Variants in RAB7A observed in about 807,000 individuals in gnomAD.
RAB7A encodes the protein ras-related protein Rab-7a.
Under a neutral mutation model 24.5 loss-of-function variants are expected in RAB7A, and 2 were observed. The ratio of observed to expected loss-of-function variants is 0.08; its 90% CI spans 0.03 to 0.26. The LOEUF (loss-of-function observed/expected upper bound fraction) is 0.26, where lower values mean the gene tolerates loss of function less well. RAB7A is among the 10% of genes least tolerant of loss of function. The pLI is 1.00. For synonymous variants in RAB7A, 100 were observed against 95.9 expected, an observed-to-expected ratio of 1.04 and a Z score of -0.25; for missense variants, 118 against 255.7, an observed-to-expected ratio of 0.46 and a Z score of 3.67.
In RAB7A at chr3:128,813,458, A is replaced by C; in HGVS notation, c.*36A>C. 1 of 1,575,454 alleles carries C rather than the reference A, an allele frequency of 6.3e-7. No homozygotes were observed. Among genetic ancestry groups the C allele is most frequent in the Non-Finnish European group, 8.7e-7 (1 of 1,145,528 alleles). ...AGAGTTGAGCACAGAGTCCTTCACA[A>C]ACCAAGAACACACGTAGGCCTTCAA... is the stretch of plus-strand genomic sequence containing the variant. On this transcript the variant is annotated 3_prime_UTR_variant, in exon 6 of 6. Transcript: ENST00000265062.
chr3:128,784,997 G>A (rs1024692203), intron 1 of RAB7A: 1 of 149,920 alleles, frequency 6.7e-6, no homozygotes. Context: ...CCAGGCTGGA[G>A]TGCAGTGATG....
chr3:128,796,187 T>C (rs1280020708), intron 2 of RAB7A, among the ~76,000 whole-genome samples: 2 of 152,296 alleles, frequency 1.3e-5, no homozygotes, highest in South Asian at 2.1e-4. Context: ...CTAACTCTAA[T>C]GGCTCTTAAG....
In RAB7A at chr3:128,813,501, C is replaced by T; in HGVS notation, c.*79C>T. Reference sequence around the variant, plus strand: ...GCCTTCAACACAATTCCCCTCTCCTCTTCCAAACAAAACATACATTGATCT... The same window carrying T: ...GCCTTCAACACAATTCCCCTCTCCTTTTCCAAACAAAACATACATTGATCT... On this transcript the variant is annotated 3_prime_UTR_variant, in exon 6 of 6. Coordinates refer to ENST00000265062, the MANE Select transcript of RAB7A (RefSeq NM_004637.6). The T allele has an allele frequency of 7.4e-7, 1 of 1,345,656 alleles. No individual in the cohort carries two copies. The allele number at this position is 1,345,656 out of a possible 1,614,324, so 83.4% of individuals were successfully genotyped here.
At chr3:128,786,040 T>G (rs1037349673) in intron 1 of RAB7A, among the ~76,000 whole-genome samples, 2 of 152,236 alleles carry the variant, frequency 1.3e-5, no homozygotes, top group African/African-American at 4.8e-5. Context: ...CTTGTCAGAC[T>G]ACTGGTCTTT....
intron 1 of RAB7A, among the ~76,000 whole-genome samples, chr3:128,739,966 T>C (rs2070533850): frequency 6.6e-6 from 1 of 152,134 alleles, no homozygotes; most frequent in Non-Finnish European, 1.5e-5. Flanking sequence ...CTTGGGAGGC[T>C]GAGGCAGGAG....
chr3:128,803,363 G>A (rs1297937010), intron 3 of RAB7A, among the ~76,000 whole-genome samples: 1 of 152,052 alleles, frequency 6.6e-6, no homozygotes, highest in Non-Finnish European at 1.5e-5. Context: ...ACAAGCAGGT[G>A]ACAAAGATGA....
At chr3:128,806,815 T>C (rs1391230510) in intron 4 of RAB7A, among the ~76,000 whole-genome samples, 2 of 152,240 alleles carry the variant, frequency 1.3e-5, no homozygotes, top group African/African-American at 4.8e-5. Flanking sequence ...TGGGCCATTG[T>C]CTTGGCTGTC....
intron 1 of RAB7A, among the ~76,000 whole-genome samples, chr3:128,731,730 G>A (rs1019822962): frequency 2.0e-5 from 3 of 152,052 alleles, no homozygotes; most frequent in African/African-American, 4.8e-5. Context: ...TCTTTCGGCC[G>A]GGGGCGATGG....
intron 1 of RAB7A, among the ~76,000 whole-genome samples, chr3:128,771,623 G>A (rs1932936464): frequency 6.6e-6 from 1 of 152,208 alleles, no homozygotes; most frequent in African/African-American, 2.4e-5. Context: ...CAGATTTAGG[G>A]ATTTAGTAGA....
At chr3:128,803,741 C>T (rs1054746999) in intron 3 of RAB7A, among the ~76,000 whole-genome samples, 2 of 152,006 alleles carry the variant, frequency 1.3e-5, no homozygotes, top group African/African-American at 4.8e-5. Context: ...AGACAAGTTG[C>T]AAAAAGCTGT....
chr3:128,790,157 T>A (rs1205121542), intron 1 of RAB7A, among the ~76,000 whole-genome samples: 1 of 152,232 alleles, frequency 6.6e-6, no homozygotes, highest in Admixed American at 6.5e-5. Flanking sequence ...TACAAAAATA[T>A]ACCTTTTAAC....
At chr3:128,745,432 C>T (rs1325626298) in intron 1 of RAB7A, among the ~76,000 whole-genome samples, 1 of 152,098 alleles carries the variant, frequency 6.6e-6, no homozygotes, top group Non-Finnish European at 1.5e-5. Context: ...GGCATGATCT[C>T]AGCTCACTGC....
At chr3:128,800,490 G>GA in intron 3 of RAB7A, among the ~76,000 whole-genome samples, 1 of 152,162 alleles carries the variant, frequency 6.6e-6, no homozygotes, top group East Asian at 1.9e-4. Flanking sequence ...CTGCACTCTT[G>GA]AAGTAAACCC....
At chr3:128,728,644 T>C (rs537135972) in intron 1 of RAB7A, among the ~76,000 whole-genome samples, 64 of 152,244 alleles carry the variant, frequency 4.2e-4, no homozygotes, top group African/African-American at 1.5e-3. Context: ...GTATTTTTAG[T>C]AGAGACAGGT....
intron 1 of RAB7A, among the ~76,000 whole-genome samples, chr3:128,756,844 CTT>C (rs577316612): frequency 0.043 from 5,968 of 139,358 alleles, 155 homozygotes; most frequent in Non-Finnish European, 0.06. Context: ...TATTCGCTAT[CTT>C]TTTTTTTTTT....
At chr3:128,763,208 A>ATATATATATATATTTT (rs373993932) in intron 1 of RAB7A, among the ~76,000 whole-genome samples, 5 of 76,060 alleles carry the variant, frequency 6.6e-5, no homozygotes, top group African/African-American at 4.1e-4. Context: ...ATATATATAT[A>ATATATATATATATTTT]TTTTTTTTTT....
rs563761073 is a variant in RAB7A, at chr3:128,781,779, C to G, written c.-8-13581C>G. ...CTGTAATCCCAGCACTTTGGGAGGC[C>G]GAGGCGCTGAATTACCTGAGGCCAG... is the stretch of plus-strand genomic sequence containing the variant. On this transcript the variant is annotated intron_variant, in intron 1 of 5. Coordinates refer to ENST00000265062, the MANE Select transcript of RAB7A (RefSeq NM_004637.6). Among the ~76,000 whole-genome samples the G allele has an allele frequency of 7.9e-5, 12 of 151,870 alleles. No individual in the cohort carries two copies. The East Asian group carries it at 2.3e-3, about 30-fold the overall frequency.
intron 1 of RAB7A, among the ~76,000 whole-genome samples, chr3:128,732,122 C>T (rs1299257712): frequency 6.6e-6 from 1 of 150,412 alleles, no homozygotes; most frequent in Non-Finnish European, 1.5e-5. Flanking sequence ...TCACTGCAAC[C>T]TCCGCCTCTC....
At chr3:128,798,316 G>A (rs556008551) in intron 3 of RAB7A, 1 of 435,380 alleles carries the variant, frequency 2.3e-6, no homozygotes, top group South Asian at 2.3e-5. Context: ...AAAAAACTCA[G>A]ATTTATCCTT....
Sources: gnomAD v4.1 joint callset for allele counts (sites outside exome capture counted in the v4.1 genomes callset) on GRCh38, gnomAD v4.1.1 for gene constraint, MANE v1.5 for transcripts, NCBI Gene and HGNC (gene_info 2026-07-23, HGNC 2026-07-21) for gene names.